ZYG11B: variants seen among roughly 807,000 people sequenced by gnomAD.
ZYG11B encodes zyg-11 family member B, cell cycle regulator, also known as protein zyg-11 homolog B.
Under a neutral mutation model 82.4 loss-of-function variants are expected in ZYG11B, and 36 were observed. The ratio of observed to expected loss-of-function variants is 0.44; its 90% CI spans 0.33 to 0.58. The LOEUF (loss-of-function observed/expected upper bound fraction) is 0.58. ZYG11B is among the 20% of genes least tolerant of loss of function. The probability of loss-of-function intolerance (pLI) is 0.02; values close to 1 mark genes in which losing one functional copy is unlikely to be tolerated. For synonymous variants in ZYG11B, 303 were observed against 312.8 expected (o/e 0.97, Z 0.33); for missense variants, 552 against 895.6 (o/e 0.62, Z 4.90).
At chr1:52,807,910 A>G (rs146597441) in intron 10 of ZYG11B, among the ~76,000 whole-genome samples, 4 of 152,310 alleles carry the variant, frequency 2.6e-5, no homozygotes, top group Admixed American at 6.5e-5. Flanking sequence ...TTGTTTTTGA[A>G]AGATACTTTT....
At chr1:52,751,773 A>C (rs1305585215) in intron 1 of ZYG11B, among the ~76,000 whole-genome samples, 3 of 152,110 alleles carry the variant, frequency 2.0e-5, no homozygotes, top group Admixed American at 2.0e-4. Flanking sequence ...GCCCCTAGAT[A>C]ACTTCTTTCT....
At chr1:52,736,156 C>T (rs767302947) in intron 1 of ZYG11B, among the ~76,000 whole-genome samples, 6 of 152,166 alleles carry the variant, frequency 3.9e-5, no homozygotes, top group Non-Finnish European at 8.8e-5. Context: ...TTGTACTGCA[C>T]AATTCAGCTA....
At position 52,772,345 on chromosome 1, in the gene ZYG11B, A is replaced by G. The variant is rs917074136; in HGVS notation, c.951+571A>G. The G allele has an allele frequency of 1.1e-5, 17 of 1,502,252 alleles. No individual in the cohort carries two copies. The African/African-American group carries it at 1.4e-4, about 12-fold the overall frequency. 93.1% of individuals were successfully genotyped at this position (1,502,252 alleles called of 1,614,324 possible). A position where few individuals can be genotyped will look rare whatever the true frequency, so the allele number is the denominator to read the frequency against. The stretch of plus-strand genomic sequence containing the variant: ...ATCCTTATCCTTTCTGTTCCTCTCA[A>G]GATGCTTTGAACAGCAACTGCTTTC... On this transcript the variant is annotated intron_variant, in intron 3 of 13. Coordinates refer to ENST00000294353, the MANE Select transcript of ZYG11B (RefSeq NM_024646.3).
At position 52,796,103 on chromosome 1, in the gene ZYG11B, A is replaced by G. The variant is rs538553566; in HGVS notation, c.1335-189A>G. Among the ~76,000 whole-genome samples, 15 of 152,312 alleles carry G rather than the reference A, an allele frequency of 9.8e-5. No homozygotes were observed. In the East Asian group the frequency reaches 2.9e-3, roughly 29 times the overall value. On this transcript the variant is annotated intron_variant, in intron 6 of 13. Transcript: ENST00000294353. Reference sequence around the variant, plus strand: ...TTCCAAACCCTTCTTTCTTTATGAAATGTTGTCAGAATTAATATTATGGCA... The same window carrying G: ...TTCCAAACCCTTCTTTCTTTATGAAGTGTTGTCAGAATTAATATTATGGCA...
intron 1 of ZYG11B, among the ~76,000 whole-genome samples, chr1:52,743,371 C>A (rs1386600348): frequency 2.5e-5 from 3 of 121,874 alleles, no homozygotes; most frequent in Non-Finnish European, 4.9e-5. Flanking sequence ...TCCCCCTCTC[C>A]GAGAAACACC....
chr1:52,814,710 C>A (rs6701788), intron 12 of ZYG11B, among the ~76,000 whole-genome samples: 34 of 75,308 alleles, frequency 4.5e-4, no homozygotes, highest in Admixed American at 7.9e-4. Flanking sequence ...TAAATACACA[C>A]ACACACACAC....
intron 8 of ZYG11B, among the ~76,000 whole-genome samples, chr1:52,797,003 A>ATAT (rs1558137360): frequency 1.1e-4 from 6 of 52,672 alleles, no homozygotes; most frequent in East Asian, 1.5e-3. Flanking sequence ...ATATAAATAT[A>ATAT]TTATATATTT....
At chr1:52,783,802 A>ATT (rs2149946748) in intron 4 of ZYG11B, among the ~76,000 whole-genome samples, 1 of 115,054 alleles carries the variant, frequency 8.7e-6, no homozygotes, top group South Asian at 2.4e-4. Context: ...ATATATATAT[A>ATT]TATACACACA....
chr1:52,759,841 T>G (rs913372570), intron 2 of ZYG11B, among the ~76,000 whole-genome samples: 1 of 152,210 alleles, frequency 6.6e-6, no homozygotes, highest in East Asian at 1.9e-4. Flanking sequence ...TGTTACTATT[T>G]TTTCCTTGAG....
At position 52,733,244 on chromosome 1, in the gene ZYG11B, G is replaced by A. The variant is rs369882955; in HGVS notation, c.30+6561G>A. On this transcript the variant is annotated intron_variant, in intron 1 of 13. Coordinates refer to ENST00000294353, the MANE Select transcript of ZYG11B (RefSeq NM_024646.3). ...AAATTTGTATATCAAACCTTTTATA[G>A]GTTCCCTGATTTCAAAATAATAGTA... Among the ~76,000 whole-genome samples, 15 of 152,198 alleles carry A rather than the reference G, an allele frequency of 9.9e-5. No individual in the cohort carries two copies. In the South Asian group the frequency reaches 1.9e-3, roughly 19 times the overall value.
At chr1:52,751,319 A>G (rs755247838) in intron 1 of ZYG11B, among the ~76,000 whole-genome samples, 2 of 108,784 alleles carry the variant, frequency 1.8e-5, no homozygotes, top group African/African-American at 4.1e-5. Flanking sequence ...GGTTGTTTCT[A>G]CTATGATATA....
rs114515734 is a variant in ZYG11B at position 52,755,523 on chromosome 1, C to T, written c.31-935C>T. 9.2e-3 allele frequency among the ~76,000 whole-genome samples: 1,394 copies of T among 152,090 alleles called. 22 individuals are homozygous for T. The highest frequency in any genetic ancestry group is 0.032 in the African/African-American group (1,342 of 41,500). On this transcript the variant is annotated intron_variant, in intron 1 of 13. Transcript: ENST00000294353. ...TGTCTTTTTTGTTTGTTTTATGAGA[C>T]GGAGTTTCGCTCTTGTTGCCCAGGC...
rs919168834 is a variant in ZYG11B at position 52,825,286 on chromosome 1, G to A, written c.*3657G>A. On this transcript the variant is annotated 3_prime_UTR_variant, in exon 14 of 14. Coordinates refer to ENST00000294353, the MANE Select transcript of ZYG11B (RefSeq NM_024646.3). Reference sequence around the variant, plus strand: ...ACTAATTAATAAAATAAATCAAGTGGTATAAGGGATTAGTTTACCCTCAAG... The same window carrying A: ...ACTAATTAATAAAATAAATCAAGTGATATAAGGGATTAGTTTACCCTCAAG... 13 of 151,916 alleles carry A rather than the reference G, an allele frequency of 8.6e-5. No homozygotes were observed. Among genetic ancestry groups the A allele is most frequent in the African/African-American group, 3.1e-4 (13 of 41,358 alleles). The allele number at this position is 151,916 out of a possible 1,614,324, so 9.4% of individuals were successfully genotyped here.
chr1:52,826,996 GC>G lies in ZYG11B; in HGVS notation c.*5368del, dbSNP rs937786363. ...AAAACTTTATACTCTCAGATAATCT[GC>G]AACAACAAAAATTAAGAAATCCCTG... On this transcript the variant is annotated 3_prime_UTR_variant, in exon 14 of 14. Transcript: ENST00000294353. 6.6e-6 allele frequency: 1 copy of G among 152,128 alleles called. No individual in the cohort carries two copies. The highest frequency in any genetic ancestry group is 2.4e-5 in the African/African-American group (1 of 41,428). The allele number at this position is 152,128 out of a possible 1,614,324, so 9.4% of individuals were successfully genotyped here.
At chr1:52,782,565 T>A (rs554539614) in intron 4 of ZYG11B, among the ~76,000 whole-genome samples, 72 of 151,950 alleles carry the variant, frequency 4.7e-4, no homozygotes, top group African/African-American at 1.7e-3. Context: ...ATTTTTCAAA[T>A]TTTTAAAAAT....
intron 1 of ZYG11B, among the ~76,000 whole-genome samples, chr1:52,733,481 C>T (rs1644351347): frequency 6.6e-6 from 1 of 151,874 alleles, no homozygotes; most frequent in Non-Finnish European, 1.5e-5. Context: ...CGAGACCAGC[C>T]TGGACAAGAT....
chr1:52,741,445 TAC>T (rs1644431200), intron 1 of ZYG11B, among the ~76,000 whole-genome samples: 1 of 152,168 alleles, frequency 6.6e-6, no homozygotes, highest in African/African-American at 2.4e-5. Context: ...ACTCAAATGA[TAC>T]TTGAGTGCCT....
rs1360057666 is a variant in ZYG11B at position 52,771,473 on chromosome 1, A to G, written c.650A>G (p.His217Arg). The change falls in exon 3 of 14, where the codon CAC (histidine) becomes CGC (arginine). Residue 217 changes from histidine (H) to arginine (R), a missense_variant. By Grantham distance (29) the His-to-Arg change is conservative. Coordinates refer to ENST00000294353, the MANE Select transcript of ZYG11B (RefSeq NM_024646.3). The surrounding 1 kb of genome is among the most constrained non-coding windows in gnomAD (Gnocchi z 5.4). ...CKDRLKSLTM[H>R]HLKCLKMTTT... ...GACCGACTCAAGTCTCTAACCATGC[A>G]CCACTTGAAATGTTTAAAAATGACA... 1 of 1,613,530 alleles carries G rather than the reference A, an allele frequency of 6.2e-7. No homozygotes were observed. The highest frequency in any genetic ancestry group is 8.5e-7 in the Non-Finnish European group (1 of 1,179,768).
intron 1 of ZYG11B, among the ~76,000 whole-genome samples, chr1:52,736,809 G>A (rs769895246): frequency 6.6e-6 from 1 of 151,300 alleles, no homozygotes; most frequent in South Asian, 2.1e-4. Flanking sequence ...GGCTGGTCTC[G>A]AACTCCTGTC....
Sources: allele counts gnomAD v4.1 joint callset (sites outside exome capture counted in the v4.1 genomes callset), GRCh38; gene constraint gnomAD v4.1.1; non-coding constraint Gnocchi (gnomAD v3.1); transcripts MANE v1.5; gene names NCBI Gene and HGNC (gene_info 2026-07-23, HGNC 2026-07-21).